UNC13C: variants seen among roughly 807,000 people sequenced by gnomAD.
UNC13C encodes the protein protein unc-13 homolog C.
A neutral mutation model predicts 245.4 loss-of-function variants in UNC13C; 174 were observed. The ratio of observed to expected loss-of-function variants is 0.71; its 90% confidence interval spans 0.63 to 0.80. The LOEUF is 0.80. Among genes scored for constraint, UNC13C ranks in the 30% least tolerant of loss-of-function variants. The pLI is 0.00. For missense variants in UNC13C, 2,829 were observed against 2,602.9 expected (o/e 1.09, Z -1.89); for synonymous variants, 992 against 895.1 (o/e 1.11, Z -1.93).
chr15:54,305,458 A>G (rs184537143), intron 13 of UNC13C, among the ~76,000 whole-genome samples: 243 of 152,214 alleles, frequency 1.6e-3, no homozygotes, highest in South Asian at 3.5e-3. Context: ...TTTGCAATTG[A>G]ATTGTAACTT....
intron 2 of UNC13C, among the ~76,000 whole-genome samples, chr15:54,103,745 A>T (rs568570379): frequency 1.3e-5 from 2 of 151,456 alleles, no homozygotes; most frequent in Non-Finnish European, 2.9e-5. Context: ...TTTTTATTTT[A>T]TTTATTTATT....
chr15:54,393,231 AATAATAC>A, intron 18 of UNC13C, 50 bp downstream of exon 18: 1 of 1,424,098 alleles, frequency 7.0e-7, no homozygotes, highest in Non-Finnish European at 9.3e-7. Context: ...CTAAAGTTCA[AATAATAC>A]ATATTTTAAG....
At chr15:54,139,911 A>G (rs543122752) in intron 2 of UNC13C, among the ~76,000 whole-genome samples, 1 of 152,284 alleles carries the variant, frequency 6.6e-6, no homozygotes, top group Admixed American at 6.5e-5. Context: ...ATAGATACTT[A>G]ACCTATTGTC....
chr15:54,615,214 C>T (rs899364718), intron 30 of UNC13C, among the ~76,000 whole-genome samples: 1 of 151,988 alleles, frequency 6.6e-6, no homozygotes, highest in African/African-American at 2.4e-5. Context: ...TACTTACAAT[C>T]CAGTTATACT....
At chr15:54,555,553 C>T (rs1373836329) in intron 29 of UNC13C, 41 bp downstream of exon 29, 1 of 1,481,676 alleles carries the variant, frequency 6.7e-7, no homozygotes, top group Admixed American at 1.8e-5. Flanking sequence ...GAGAGAGGCC[C>T]CCATTTACCT....
At chr15:54,223,457 G>C (rs955584090) in intron 4 of UNC13C, among the ~76,000 whole-genome samples, 1 of 152,034 alleles carries the variant, frequency 6.6e-6, no homozygotes, top group Non-Finnish European at 1.5e-5. Flanking sequence ...CTGTGTGTCT[G>C]TTTTTAGGCC....
chr15:53,852,384 T>C, the UNC13C span, among the ~76,000 whole-genome samples: 59 of 152,314 alleles, frequency 3.9e-4, 1 homozygote, highest in African/African-American at 1.3e-3. Context: ...ATGTGAGCTC[T>C]AGAATTTTTC....
intron 26 of UNC13C, among the ~76,000 whole-genome samples, chr15:54,536,599 C>G (rs1269673655): frequency 6.6e-6 from 1 of 151,886 alleles, no homozygotes; most frequent in Non-Finnish European, 1.5e-5. Context: ...ACTAACAGAT[C>G]AAACCAAGCA....
intron 2 of UNC13C, among the ~76,000 whole-genome samples, chr15:54,136,993 T>C (rs2031770739): frequency 6.6e-6 from 1 of 152,040 alleles, no homozygotes; most frequent in African/African-American, 2.4e-5. Flanking sequence ...TACACCACCA[T>C]GCTTGGCTAA....
intron 2 of UNC13C, among the ~76,000 whole-genome samples, chr15:54,021,902 AAATTG>A: frequency 6.6e-6 from 1 of 152,374 alleles, no homozygotes; most frequent in African/African-American, 2.4e-5. Flanking sequence ...TCTATATGTT[AAATTG>A]TAAATGTTTA....
Position 54,627,227 on chromosome 15 carries a change from C to A in UNC13C, c.*114C>A. On this transcript the variant is annotated 3_prime_UTR_variant, in exon 33 of 33. Coordinates refer to ENST00000260323, the MANE Select transcript of UNC13C (RefSeq NM_001080534.3). ...TTCAATGTTTGCCAGTACTCATGTACGATGTCTACAAGGTATGTAAAAAAC... is the reference window on the plus strand; with the variant it reads ...TTCAATGTTTGCCAGTACTCATGTAAGATGTCTACAAGGTATGTAAAAAAC... 2.7e-6 allele frequency: 3 copies of A among 1,106,814 alleles called. No homozygotes were observed. The highest frequency in any genetic ancestry group is 2.5e-6 in the Non-Finnish European group (2 of 797,466). The allele number at this position is 1,106,814 out of a possible 1,614,324, so 68.6% of individuals were successfully genotyped here.
At chr15:54,384,219 G>A (rs2039788083) in intron 17 of UNC13C, among the ~76,000 whole-genome samples, 1 of 152,024 alleles carries the variant, frequency 6.6e-6, no homozygotes, top group Non-Finnish European at 1.5e-5. Flanking sequence ...TGAGCATAAA[G>A]AACAAACCCG....
intron 29 of UNC13C, among the ~76,000 whole-genome samples, chr15:54,566,641 A>C (rs1178065849): frequency 6.6e-6 from 1 of 152,004 alleles, no homozygotes; most frequent in African/African-American, 2.4e-5. Context: ...TCTGGCCTAC[A>C]CCCTGAATCT....
At chr15:54,031,888 A>G (rs886669762) in intron 2 of UNC13C, among the ~76,000 whole-genome samples, 1 of 152,230 alleles carries the variant, frequency 6.6e-6, no homozygotes, top group Non-Finnish European at 1.5e-5. Flanking sequence ...AAATTATGGC[A>G]TATCATTCAT....
chr15:54,213,555 T>G (rs2034950843), intron 4 of UNC13C, among the ~76,000 whole-genome samples: 1 of 152,096 alleles, frequency 6.6e-6, no homozygotes, highest in Admixed American at 6.6e-5. Context: ...AAGCTTCTAA[T>G]CATTTGCACA....
At position 54,051,518 on chromosome 15, in the gene UNC13C, G is replaced by C. The variant is rs142184681; in HGVS notation, c.2983+35632G>C. Among the ~76,000 whole-genome samples the C allele has an allele frequency of 1.7e-3, 258 of 152,132 alleles. 1 individual carries two copies. The highest frequency in any genetic ancestry group is 4.9e-3 in the African/African-American group (203 of 41,516). On this transcript the variant is annotated intron_variant, in intron 2 of 32. Coordinates refer to ENST00000260323, the MANE Select transcript of UNC13C (RefSeq NM_001080534.3). ...TATATCACAGTCTTTCAAATATAGAGACTTTAGTACATATTTCAGTATCTG... is the reference window on the plus strand; with the variant it reads ...TATATCACAGTCTTTCAAATATAGACACTTTAGTACATATTTCAGTATCTG...
chr15:54,462,130 C>T (rs1891881395), intron 19 of UNC13C, among the ~76,000 whole-genome samples: 3 of 151,498 alleles, frequency 2.0e-5, no homozygotes, highest in African/African-American at 4.9e-5. Flanking sequence ...AGGGGTGTGA[C>T]AAAGAAAAAG....
intron 10 of UNC13C, among the ~76,000 whole-genome samples, chr15:54,270,123 AT>A (rs1461236978): frequency 4.0e-4 from 61 of 152,326 alleles, no homozygotes; most frequent in African/African-American, 1.4e-3. Flanking sequence ...CAGAAATACT[AT>A]TTTGAAGCTA....
At chr15:53,885,794 G>A in the UNC13C span, among the ~76,000 whole-genome samples, 1 of 152,122 alleles carries the variant, frequency 6.6e-6, no homozygotes, top group African/African-American at 2.4e-5. Flanking sequence ...AAGGGAGTGG[G>A]GGAAAAAGAT....
Sources: allele counts gnomAD v4.1 joint callset (sites outside exome capture counted in the v4.1 genomes callset), GRCh38; gene constraint gnomAD v4.1.1; transcripts MANE v1.5; gene names NCBI Gene and HGNC (gene_info 2026-07-23, HGNC 2026-07-21).